AUTS2: variants seen among roughly 807,000 people sequenced by gnomAD.
AUTS2 encodes the protein activator of transcription and developmental regulator AUTS2, also known as autism susceptibility gene 2 protein.
Under a neutral mutation model 112.4 loss-of-function variants are expected in AUTS2, and 17 were observed. That is an observed-to-expected ratio of 0.15 (90% CI 0.10 to 0.23). The LOEUF (loss-of-function observed/expected upper bound fraction) is 0.23. Ranked by LOEUF, AUTS2 falls within the 10% of genes least tolerant of loss-of-function variation. AUTS2 has a pLI of 1.00. For synonymous variants in AUTS2, 751 were observed against 702.7 expected (o/e 1.07, Z -1.09); for missense variants, 1,510 against 1,701.6 (o/e 0.89, Z 1.98).
intron 1 of AUTS2, among the ~76,000 whole-genome samples, chr7:69,808,216 G>A (rs566401223): frequency 9.2e-5 from 14 of 152,276 alleles, no homozygotes; most frequent in African/African-American, 2.6e-4. Context: ...GTGAGCCACC[G>A]CACTCCGGCC....
At chr7:70,443,227 A>C (rs1195901138) in intron 5 of AUTS2, among the ~76,000 whole-genome samples, 3 of 152,156 alleles carry the variant, frequency 2.0e-5, no homozygotes, top group Non-Finnish European at 2.9e-5. Flanking sequence ...TTGTTTCTTG[A>C]AATAAACAGT....
At chr7:69,831,799 T>A (rs1791513071) in intron 1 of AUTS2, among the ~76,000 whole-genome samples, 1 of 152,104 alleles carries the variant, frequency 6.6e-6, no homozygotes, top group South Asian at 2.1e-4. Flanking sequence ...CCCTAATTCT[T>A]CTCCCTTAGG....
chr7:70,034,283 C>A (rs1800905573), intron 2 of AUTS2, among the ~76,000 whole-genome samples: 1 of 152,140 alleles, frequency 6.6e-6, no homozygotes, highest in Admixed American at 6.6e-5. Context: ...TCTGTCTCTT[C>A]CCATGTTACA....
At chr7:70,247,377 C>G (rs1489003627) in intron 4 of AUTS2, among the ~76,000 whole-genome samples, 1 of 151,908 alleles carries the variant, frequency 6.6e-6, no homozygotes, top group Admixed American at 6.6e-5. Context: ...AGGGAATGGG[C>G]TCTTATTGTT....
At chr7:69,869,774 C>T (rs1793399799) in intron 1 of AUTS2, among the ~76,000 whole-genome samples, 1 of 152,116 alleles carries the variant, frequency 6.6e-6, no homozygotes, top group East Asian at 1.9e-4. Context: ...TGGGAAACAA[C>T]ATTATTGTCT....
At chr7:69,860,029 TGACA>T (rs1477954275) in intron 1 of AUTS2, among the ~76,000 whole-genome samples, 1 of 152,118 alleles carries the variant, frequency 6.6e-6, no homozygotes, top group African/African-American at 2.4e-5. Context: ...TATACCTGCC[TGACA>T]AAGAGGTGTT....
chr7:70,721,156 T>TA (rs760680075), intron 6 of AUTS2, among the ~76,000 whole-genome samples: 1 of 152,024 alleles, frequency 6.6e-6, no homozygotes, highest in Non-Finnish European at 1.5e-5. Context: ...GGGCTCCTGA[T>TA]ATACGTTCTC....
At chr7:70,614,528 A>G (rs982688263) in intron 5 of AUTS2, among the ~76,000 whole-genome samples, 5 of 152,168 alleles carry the variant, frequency 3.3e-5, no homozygotes, top group Non-Finnish European at 7.3e-5. Flanking sequence ...GAAAGTGGTG[A>G]AATTATTCCT....
chr7:69,726,430 A>G (rs1274346264), intron 1 of AUTS2, among the ~76,000 whole-genome samples: 4 of 149,144 alleles, frequency 2.7e-5, no homozygotes, highest in Non-Finnish European at 5.9e-5. Context: ...TTGTTTAATC[A>G]TTTTCCTGTT....
intron 5 of AUTS2, among the ~76,000 whole-genome samples, chr7:70,652,722 C>CT (rs1806571836): frequency 6.6e-6 from 1 of 151,260 alleles, no homozygotes; most frequent in African/African-American, 2.4e-5. Flanking sequence ...CTGTGTCTTA[C>CT]TTTTTTAAAA....
intron 4 of AUTS2, among the ~76,000 whole-genome samples, chr7:70,402,622 G>A (rs1052996376): frequency 9.2e-5 from 14 of 152,278 alleles, no homozygotes; most frequent in African/African-American, 3.4e-4. Context: ...GCTTGCATGC[G>A]GGAAGAGCAC....
chr7:70,053,543 G>GTTTTT (rs1563067760), intron 2 of AUTS2, among the ~76,000 whole-genome samples: 1 of 101,002 alleles, frequency 9.9e-6, no homozygotes, highest in South Asian at 3.1e-4. Context: ...TGTTTTGGGT[G>GTTTTT]GTTTTTTTTT....
At chr7:69,983,564 AG>A (rs1798384096) in intron 2 of AUTS2, among the ~76,000 whole-genome samples, 1 of 152,052 alleles carries the variant, frequency 6.6e-6, no homozygotes, top group South Asian at 2.1e-4. Context: ...TGTGTAGGAA[AG>A]AAAAAAAGTG....
At chr7:70,780,139 C>G (rs1341895328) in intron 14 of AUTS2, among the ~76,000 whole-genome samples, 3 of 151,984 alleles carry the variant, frequency 2.0e-5, no homozygotes, top group Non-Finnish European at 4.4e-5. Context: ...AGCTTCAAGT[C>G]CCAGGACCCC....
At chr7:69,674,308 T>C (rs781680666) in intron 1 of AUTS2, among the ~76,000 whole-genome samples, 2 of 152,198 alleles carry the variant, frequency 1.3e-5, no homozygotes, top group Non-Finnish European at 2.9e-5. Context: ...TGTCTTCCAT[T>C]CTGGCTGCCT....
intron 5 of AUTS2, among the ~76,000 whole-genome samples, chr7:70,524,809 A>G (rs1315730130): frequency 6.6e-6 from 1 of 152,222 alleles, no homozygotes; most frequent in Admixed American, 6.5e-5. Context: ...TGTTCAATAT[A>G]TGCTGTCTGC....
intron 2 of AUTS2, among the ~76,000 whole-genome samples, chr7:70,059,292 A>AGTTATTATACATTTAAGGTCCTCCGT (rs1563071845): frequency 6.6e-6 from 1 of 152,112 alleles, no homozygotes; most frequent in African/African-American, 2.4e-5. Context: ...TCTTTCACTT[A>AGTTATTATACATTTAAGGTCCTCCGT]GTTATTATAC....
intron 4 of AUTS2, among the ~76,000 whole-genome samples, chr7:70,281,422 T>A (rs891149987): frequency 6.6e-6 from 1 of 152,242 alleles, no homozygotes; most frequent in Non-Finnish European, 1.5e-5. Flanking sequence ...GGTTCCCTGC[T>A]TTGATCGTCT....
chr7:70,069,712 T>TG (rs1205377831), intron 2 of AUTS2, among the ~76,000 whole-genome samples: 3 of 151,030 alleles, frequency 2.0e-5, no homozygotes, highest in African/African-American at 7.3e-5. Context: ...TTTTTTGTTT[T>TG]TTTTTTTTTC....
Sources: gnomAD v4.1 joint callset for allele counts (sites outside exome capture counted in the v4.1 genomes callset) on GRCh38, gnomAD v4.1.1 for gene constraint, MANE v1.5 for transcripts, NCBI Gene and HGNC (gene_info 2026-07-23, HGNC 2026-07-21) for gene names.